Variants in MDGA2 observed in about 807,000 individuals in gnomAD.
MDGA2 encodes MAM domain containing glycosylphosphatidylinositol anchor 2, also known as MAM domain-containing glycosylphosphatidylinositol anchor protein 2.
A neutral mutation model predicts 117.8 loss-of-function variants in MDGA2; 40 were observed. That is an observed-to-expected ratio of 0.34 (90% confidence interval 0.26 to 0.44). The LOEUF is 0.44. Ranked by LOEUF, MDGA2 falls within the 20% of genes least tolerant of loss-of-function variation. MDGA2 has a pLI of 1.00. For missense variants in MDGA2, 1,123 were observed against 1,250.6 expected, an observed-to-expected ratio of 0.90 and a Z score of 1.54; for synonymous variants, 452 against 439.0, an observed-to-expected ratio of 1.03 and a Z score of -0.37.
rs543381504 is a variant in MDGA2, at chr14:47,434,613, ATAAGATACCC to A, written c.281-133073_281-133064del. 4.1e-3 allele frequency among the ~76,000 whole-genome samples: 625 copies of A among 152,308 alleles called. 2 individuals are homozygous for A. Among genetic ancestry groups the A allele is most frequent in the Non-Finnish European group, 7.2e-3 (487 of 68,022 alleles). On this transcript the variant is annotated intron_variant, in intron 1 of 16. Transcript: ENST00000399232. Reference sequence around the variant, plus strand: ...AAAATAAAGTATTTTACAGATAATGATAAGATACCCTAAGGATGTCTGAGATGTTAAGTAC... The same window carrying A: ...AAAATAAAGTATTTTACAGATAATGATAAGGATGTCTGAGATGTTAAGTAC...
chr14:47,150,227 C>T (rs72680214), intron 3 of MDGA2, among the ~76,000 whole-genome samples: 2,935 of 152,268 alleles, frequency 0.019, 63 homozygotes, highest in Non-Finnish European at 0.023. Flanking sequence ...TGTAACCTCC[C>T]GTAAGATTCC....
intron 1 of MDGA2, among the ~76,000 whole-genome samples, chr14:47,377,420 T>C (rs1891503800): frequency 6.6e-6 from 1 of 152,072 alleles, no homozygotes; most frequent in South Asian, 2.1e-4. Context: ...GGGCATCGCC[T>C]CATCCGGGAA....
At chr14:47,672,077 CTTCAAACAAG>C (rs1414825428) in intron 1 of MDGA2, among the ~76,000 whole-genome samples, 1 of 152,176 alleles carries the variant, frequency 6.6e-6, no homozygotes, top group African/African-American at 2.4e-5. Context: ...AAAATGTGCA[CTTCAAACAAG>C]TTCCAGGGTG....
intron 3 of MDGA2, among the ~76,000 whole-genome samples, chr14:47,176,802 G>A (rs979199116): frequency 4.8e-4 from 73 of 152,064 alleles, no homozygotes; most frequent in African/African-American, 1.7e-3. Flanking sequence ...TTGACAAATG[G>A]GATCTAATTA....
At chr14:46,995,308 G>A (rs560877280) in intron 8 of MDGA2, among the ~76,000 whole-genome samples, 2 of 152,088 alleles carry the variant, frequency 1.3e-5, no homozygotes, top group Admixed American at 6.6e-5. Flanking sequence ...TTGATAGACT[G>A]GGCAGAATCC....
At chr14:47,670,683 T>C (rs2138317236) in intron 1 of MDGA2, among the ~76,000 whole-genome samples, 1 of 152,302 alleles carries the variant, frequency 6.6e-6, no homozygotes, top group East Asian at 1.9e-4. Flanking sequence ...CTAAATCTAA[T>C]GAAATGTGAG....
intron 15 of MDGA2, 43 bp from the exon 16 acceptor site, chr14:46,845,914 T>A: frequency 7.0e-7 from 1 of 1,436,032 alleles, no homozygotes; most frequent in Non-Finnish European, 9.8e-7. Context: ...GAGCTTTGAT[T>A]TGCAGATCAG....
In MDGA2 at chr14:46,965,826, A is replaced by ACTGCAG. The variant is rs1886006576; in HGVS notation, c.1820-8184_1820-8183insCTGCAG. ...TAGAATCAGTTTTTTATGGCATAAA[A>ACTGCAG]TTTATTCAGAATGTTTTTATGAAGT... On this transcript the variant is annotated intron_variant, in intron 8 of 16. Transcript: ENST00000399232. Among the ~76,000 whole-genome samples, 3 of 152,312 alleles carry ACTGCAG rather than the reference A, an allele frequency of 2.0e-5. No homozygotes were observed. The South Asian group carries it at 6.2e-4, about 32-fold the overall frequency.
intron 1 of MDGA2, among the ~76,000 whole-genome samples, chr14:47,570,046 C>G (rs751566739): frequency 6.6e-6 from 1 of 151,886 alleles, no homozygotes; most frequent in Non-Finnish European, 1.5e-5. Flanking sequence ...ACACATTGAT[C>G]AAATCTAATG....
At chr14:47,020,048 A>T (rs1422504763) in intron 8 of MDGA2, among the ~76,000 whole-genome samples, 2 of 152,168 alleles carry the variant, frequency 1.3e-5, no homozygotes, top group African/African-American at 4.8e-5. Context: ...CATATTGTGC[A>T]CAACTTTACA....
At chr14:47,539,971 G>C (rs1895304015) in intron 1 of MDGA2, among the ~76,000 whole-genome samples, 1 of 152,024 alleles carries the variant, frequency 6.6e-6, no homozygotes, top group Non-Finnish European at 1.5e-5. Context: ...CCTCTGCTCA[G>C]AACTCTTTTC....
chr14:46,977,111 T>TA (rs1041547363), intron 8 of MDGA2, among the ~76,000 whole-genome samples: 1 of 151,790 alleles, frequency 6.6e-6, no homozygotes, highest in Non-Finnish European at 1.5e-5. Flanking sequence ...TTATGCTTCA[T>TA]AAAAAAATAT....
At chr14:47,070,179 T>C (rs958369733) in intron 6 of MDGA2, among the ~76,000 whole-genome samples, 1 of 152,178 alleles carries the variant, frequency 6.6e-6, no homozygotes, top group African/African-American at 2.4e-5. Flanking sequence ...TTTATAACTA[T>C]TTTTTATACC....
chr14:47,147,280 T>C (rs1012335010), intron 3 of MDGA2, among the ~76,000 whole-genome samples: 2 of 151,918 alleles, frequency 1.3e-5, no homozygotes, highest in African/African-American at 2.4e-5. Flanking sequence ...TTGTATTTGA[T>C]TTAGGACAGG....
chr14:47,359,220 G>A (rs1891059579), intron 1 of MDGA2, among the ~76,000 whole-genome samples: 1 of 152,088 alleles, frequency 6.6e-6, no homozygotes, highest in Admixed American at 6.6e-5. Context: ...TGGGCGTGGT[G>A]GCACGCACCT....
intron 6 of MDGA2, among the ~76,000 whole-genome samples, chr14:47,090,316 G>A (rs1165675183): frequency 6.6e-6 from 1 of 151,680 alleles, no homozygotes; most frequent in Non-Finnish European, 1.5e-5. Flanking sequence ...TTCCACAAAG[G>A]TTAACTCTAT....
chr14:47,405,220 T>G (rs1236441886), intron 1 of MDGA2, among the ~76,000 whole-genome samples: 1 of 152,184 alleles, frequency 6.6e-6, no homozygotes, highest in Non-Finnish European at 1.5e-5. Context: ...ATCAAGAAAC[T>G]ATAATGTGCC....
intron 2 of MDGA2, 22 bp from the exon 3 acceptor site, chr14:47,218,217 T>C (rs1240119501): frequency 6.7e-7 from 1 of 1,491,176 alleles, no homozygotes; most frequent in South Asian, 1.3e-5. Flanking sequence ...TCAACAAAGA[T>C]TGTTACTTTA....
chr14:47,496,277 C>T (rs1433522642), intron 1 of MDGA2, among the ~76,000 whole-genome samples: 1 of 152,104 alleles, frequency 6.6e-6, no homozygotes, highest in Non-Finnish European at 1.5e-5. Flanking sequence ...GAGTTTCATG[C>T]TATTGTCCAG....
Sources: gnomAD v4.1 joint callset for allele counts (sites outside exome capture counted in the v4.1 genomes callset) on GRCh38, gnomAD v4.1.1 for gene constraint, MANE v1.5 for transcripts, NCBI Gene and HGNC (gene_info 2026-07-23, HGNC 2026-07-21) for gene names.